Variants in CACNB2 observed in about 807,000 individuals in gnomAD.
CACNB2 encodes voltage-dependent L-type calcium channel subunit beta-2.
A neutral mutation model predicts 73.3 loss-of-function variants in CACNB2; 42 were observed. That is an observed-to-expected ratio of 0.57 (90% CI 0.45 to 0.74). The LOEUF (loss-of-function observed/expected upper bound fraction) is 0.74, where lower values mean the gene tolerates loss of function less well. Among genes scored for constraint, CACNB2 ranks in the 30% least tolerant of loss-of-function variants. CACNB2 has a pLI of 0.00. For synonymous variants in CACNB2, 348 were observed against 310.3 expected (o/e 1.12, Z -1.28); for missense variants, 940 against 853.0 (o/e 1.10, Z -1.27).
intron 3 of CACNB2, among the ~76,000 whole-genome samples, chr10:18,411,401 T>C (rs2044618920): frequency 1.3e-5 from 2 of 152,080 alleles, no homozygotes; most frequent in Non-Finnish European, 2.9e-5. Context: ...TAATTGATGA[T>C]AATATTAATA....
chr10:18,446,380 G>C (rs984537338), intron 3 of CACNB2, among the ~76,000 whole-genome samples: 2 of 152,254 alleles, frequency 1.3e-5, no homozygotes, highest in Non-Finnish European at 2.9e-5. Context: ...AATTAGGCTG[G>C]AGTAAATGTT....
intron 2 of CACNB2, among the ~76,000 whole-genome samples, chr10:18,211,872 T>C (rs930452866): frequency 3.3e-5 from 5 of 152,172 alleles, no homozygotes; most frequent in Non-Finnish European, 5.9e-5. Context: ...TTCTTTTTTT[T>C]TTTCTCCCCA....
intron 2 of CACNB2, among the ~76,000 whole-genome samples, chr10:18,359,179 C>T (rs1005443724): frequency 4.6e-5 from 7 of 151,956 alleles, no homozygotes; most frequent in Non-Finnish European, 8.8e-5. Flanking sequence ...ACTAAAATAT[C>T]CCGTGTCCAT....
chr10:18,258,013 GGATTATAGGCGT>G (rs1322795676), intron 2 of CACNB2, among the ~76,000 whole-genome samples: 1 of 152,170 alleles, frequency 6.6e-6, no homozygotes, highest in Admixed American at 6.5e-5. Flanking sequence ...CAAAGTGCTG[GGATTATAGGCGT>G]GAGCCACCCC....
At chr10:18,463,497 T>G (rs2047692702) in intron 3 of CACNB2, among the ~76,000 whole-genome samples, 1 of 152,078 alleles carries the variant, frequency 6.6e-6, no homozygotes, top group African/African-American at 2.4e-5. Context: ...GCTTCACAGC[T>G]TCAACCTCCC....
intron 2 of CACNB2, among the ~76,000 whole-genome samples, chr10:18,301,561 C>T (rs1288000312): frequency 6.6e-6 from 1 of 151,992 alleles, no homozygotes; most frequent in Non-Finnish European, 1.5e-5. Flanking sequence ...TGACACTGCA[C>T]TCCAGCCTGG....
intron 2 of CACNB2, among the ~76,000 whole-genome samples, chr10:18,276,947 C>A (rs1012100337): frequency 1.2e-4 from 19 of 152,082 alleles, no homozygotes; most frequent in Admixed American, 2.6e-4. Flanking sequence ...CCCCCATCTC[C>A]ACAAAAAAAT....
chr10:18,373,340 T>C (rs1202774377), intron 2 of CACNB2, among the ~76,000 whole-genome samples: 1 of 152,226 alleles, frequency 6.6e-6, no homozygotes, highest in African/African-American at 2.4e-5. Flanking sequence ...TCTACTGCTA[T>C]ATTTTGGTCT....
intron 2 of CACNB2, 68 bp from the exon 3 acceptor site, chr10:18,401,856 C>T: frequency 6.6e-7 from 1 of 1,525,598 alleles, no homozygotes; most frequent in Non-Finnish European, 9.1e-7. Context: ...ACTGCTGTGT[C>T]GATGAGACTT....
chr10:18,313,153 T>G (rs2040024393), intron 2 of CACNB2, among the ~76,000 whole-genome samples: 1 of 151,872 alleles, frequency 6.6e-6, no homozygotes, highest in Admixed American at 6.6e-5. Flanking sequence ...AAGAAACCTT[T>G]AAGCAGATAT....
intron 2 of CACNB2, among the ~76,000 whole-genome samples, chr10:18,266,937 A>C (rs1213967917): frequency 2.0e-5 from 3 of 152,182 alleles, no homozygotes; most frequent in Non-Finnish European, 4.4e-5. Context: ...GCCTTGGGAA[A>C]TATATTTGCA....
intron 2 of CACNB2, among the ~76,000 whole-genome samples, chr10:18,227,681 T>C (rs1055489711): frequency 6.6e-6 from 1 of 152,178 alleles, no homozygotes; most frequent in African/African-American, 2.4e-5. Flanking sequence ...CCAGCGCTTA[T>C]CTACCATAGG....
chr10:18,177,697 C>T (rs2033678718), intron 2 of CACNB2, among the ~76,000 whole-genome samples: 1 of 152,156 alleles, frequency 6.6e-6, no homozygotes, highest in Non-Finnish European at 1.5e-5. Flanking sequence ...CTCTGATTAG[C>T]ACTCAGTGAA....
chr10:18,311,788 G>A (rs1410952246), intron 2 of CACNB2, among the ~76,000 whole-genome samples: 1 of 152,164 alleles, frequency 6.6e-6, no homozygotes, highest in East Asian at 1.9e-4. Context: ...GTTCAAATCT[G>A]TGTTGTTCAA....
At chr10:18,227,019 C>A (rs575253384) in intron 2 of CACNB2, among the ~76,000 whole-genome samples, 1 of 152,236 alleles carries the variant, frequency 6.6e-6, no homozygotes, top group Non-Finnish European at 1.5e-5. Flanking sequence ...TCACCCATAG[C>A]TCTGAGGATG....
At chr10:18,287,134 G>T (rs2038838132) in intron 2 of CACNB2, among the ~76,000 whole-genome samples, 1 of 151,900 alleles carries the variant, frequency 6.6e-6, no homozygotes, top group African/African-American at 2.4e-5. Context: ...TTCAAGACCG[G>T]CCTAGCCAAC....
At chr10:18,280,173 A>G (rs1336906857) in intron 2 of CACNB2, among the ~76,000 whole-genome samples, 1 of 152,190 alleles carries the variant, frequency 6.6e-6, no homozygotes, top group Admixed American at 6.5e-5. Context: ...AATTATTACT[A>G]CTATGTGTTG....
chr10:18,374,673 C>T (rs928116687), intron 2 of CACNB2, among the ~76,000 whole-genome samples: 2 of 152,198 alleles, frequency 1.3e-5, no homozygotes, highest in Non-Finnish European at 2.9e-5. Context: ...GTATTCTCCA[C>T]AGTAGTTCAA....
At chr10:18,425,453 G>A (rs1186636840) in intron 3 of CACNB2, among the ~76,000 whole-genome samples, 3 of 152,136 alleles carry the variant, frequency 2.0e-5, no homozygotes, top group Non-Finnish European at 2.9e-5. Flanking sequence ...GACTGCTTGA[G>A]CTGAGGAATT....
Sources: allele counts gnomAD v4.1 joint callset (sites outside exome capture counted in the v4.1 genomes callset), GRCh38; gene constraint gnomAD v4.1.1; transcripts MANE v1.5; gene names NCBI Gene and HGNC (gene_info 2026-07-23, HGNC 2026-07-21).